The following MAN1A2 variants were observed in gnomAD, a reference collection of about 807,000 sequenced individuals.
MAN1A2 encodes the protein mannosidase alpha class 1A member 2.
MAN1A2 carries 26 observed loss-of-function variants against 75.7 expected under a neutral mutation model. That is an observed-to-expected ratio of 0.34 (90% confidence interval 0.25 to 0.48). The LOEUF (loss-of-function observed/expected upper bound fraction) is 0.48. Among genes scored for constraint, MAN1A2 ranks in the 20% least tolerant of loss-of-function variants. The pLI is 0.99. For missense variants in MAN1A2, 562 were observed against 775.5 expected, an observed-to-expected ratio of 0.72 and a Z score of 3.27; for synonymous variants, 247 against 264.6, an observed-to-expected ratio of 0.93 and a Z score of 0.65.
At position 117,432,282 on chromosome 1, in the gene MAN1A2, G is replaced by T. The variant is rs193071000; in HGVS notation, c.856-9949G>T. On this transcript the variant is annotated intron_variant, in intron 5 of 12. Transcript: ENST00000356554. The stretch of plus-strand genomic sequence containing the variant: ...GCATAATAATGGAATATTATAAGCA[G>T]TTTTTTTGCAAAATTTAATAATGTA... Among the ~76,000 whole-genome samples the T allele has an allele frequency of 7.2e-4, 109 of 151,654 alleles. 1 individual carries two copies. The highest frequency in any genetic ancestry group is 2.6e-3 in the African/African-American group (108 of 41,292).
intron 8 of MAN1A2, among the ~76,000 whole-genome samples, chr1:117,492,458 T>A (rs1650910979): frequency 6.6e-6 from 1 of 152,130 alleles, no homozygotes; most frequent in Non-Finnish European, 1.5e-5. Flanking sequence ...TCAACACAAC[T>A]TTTATAACTA....
chr1:117,460,727 T>C, intron 7 of MAN1A2, 115 bp downstream of exon 7: 1 of 1,231,146 alleles, frequency 8.1e-7, no homozygotes, highest in Non-Finnish European at 1.1e-6. Flanking sequence ...TTATTAGGGC[T>C]GTAGCCTTTA....
intron 12 of MAN1A2, among the ~76,000 whole-genome samples, chr1:117,516,379 A>C (rs901716269): frequency 2.6e-5 from 4 of 152,176 alleles, no homozygotes; most frequent in Admixed American, 1.3e-4. Flanking sequence ...GGAACTAGTC[A>C]TCATGAAGAA....
rs1652841562 is a variant in MAN1A2, at chr1:117,368,419, A to G, written c.236A>G (p.Asp79Gly). 1 of 1,614,108 alleles carries G rather than the reference A, an allele frequency of 6.2e-7. No homozygotes were observed. Among genetic ancestry groups the G allele is most frequent in the East Asian group, 2.2e-5 (1 of 44,878 alleles). Residue 79 changes from aspartate to glycine, a missense_variant, in exon 1 of 13, where the codon GAT becomes GGT. Physicochemically the swap from Asp to Gly is moderately conservative, Grantham distance 94. Coordinates refer to ENST00000356554, the MANE Select transcript of MAN1A2 (RefSeq NM_006699.5). ...GAAGATGTGTTAATTCCACATGTAGATGCCGGTAAAGGGGCTAAAAACCCC... is the reference window on the plus strand; with the variant it reads ...GAAGATGTGTTAATTCCACATGTAGGTGCCGGTAAAGGGGCTAAAAACCCC... ...GLEDVLIPHV[D>G]AGKGAKNPGV...
At chr1:117,459,769 T>C (rs1283836332) in intron 6 of MAN1A2, among the ~76,000 whole-genome samples, 2 of 152,130 alleles carry the variant, frequency 1.3e-5, no homozygotes, top group East Asian at 1.9e-4. Context: ...TAACAAAATA[T>C]TGGAAATAGC....
In MAN1A2 at chr1:117,526,860, CTCTCTCTCTCTCTCTCTCTCTATATA is replaced by C. The variant is rs1016611864; in HGVS notation, c.*3905_*3930del. The C allele has an allele frequency of 2.1e-5, 2 of 93,728 alleles. No homozygotes were observed. The highest frequency in any genetic ancestry group is 8.7e-5 in the African/African-American group (2 of 22,884). The allele number at this position is 93,728 out of a possible 1,614,324, so 5.8% of individuals were successfully genotyped here. A position where few individuals can be genotyped will look rare whatever the true frequency, so the allele number is the denominator to read the frequency against. Reference sequence around the variant, plus strand: ...TCTTTTCCTCTCTCTCTCTCTCTCTCTCTCTCTCTCTCTCTCTCTCTATATATATATATATATATATATATATATGA... The same window carrying C: ...TCTTTTCCTCTCTCTCTCTCTCTCTCTATATATATATATATATATATATGA... On this transcript the variant is annotated 3_prime_UTR_variant, in exon 13 of 13. Transcript: ENST00000356554.
At chr1:117,484,998 C>T (rs545128437) in intron 8 of MAN1A2, among the ~76,000 whole-genome samples, 4 of 152,016 alleles carry the variant, frequency 2.6e-5, no homozygotes, top group South Asian at 4.1e-4. Context: ...AGTGGATCCA[C>T]GCAGTTCAAA....
intron 8 of MAN1A2, among the ~76,000 whole-genome samples, chr1:117,475,889 AT>A (rs1461813994): frequency 6.6e-6 from 1 of 152,124 alleles, no homozygotes; most frequent in Non-Finnish European, 1.5e-5. Context: ...CAGTAATGGG[AT>A]TGCTGGGTCA....
chr1:117,402,397 C>A lies in MAN1A2; in HGVS notation c.514C>A (p.Pro172Thr), dbSNP rs1287237481. ...PNLVGIRGGD[P>T]EDNDIREKRE... is the part of the protein sequence containing the mutation. Reference sequence around the variant, plus strand: ...CCTTGTAGGAATACGTGGTGGAGACCCAGAAGATAATGACATAAGAGAGAA... The same window carrying A: ...CCTTGTAGGAATACGTGGTGGAGACACAGAAGATAATGACATAAGAGAGAA... The change falls in exon 2 of 13, where the codon CCA (proline) becomes ACA (threonine). Residue 172 changes from proline to threonine, a missense_variant. Physicochemically the swap from Pro to Thr is conservative, Grantham distance 38. This residue lies in a region of MAN1A2 where 434 missense variants were observed against 645.7 expected (regional missense o/e 0.67). Coordinates refer to ENST00000356554, the MANE Select transcript of MAN1A2 (RefSeq NM_006699.5). 1 of 1,609,498 alleles carries A rather than the reference C, an allele frequency of 6.2e-7. No individual in the cohort carries two copies. Among genetic ancestry groups the A allele is most frequent in the Admixed American group, 1.7e-5 (1 of 59,302 alleles).
chr1:117,497,714 GA>G (rs1651073604), intron 10 of MAN1A2, among the ~76,000 whole-genome samples: 1 of 151,642 alleles, frequency 6.6e-6, no homozygotes, highest in Admixed American at 6.6e-5. Flanking sequence ...TTTTAAAAAA[GA>G]CAAAAGGTTT....
intron 8 of MAN1A2, among the ~76,000 whole-genome samples, chr1:117,485,819 G>C (rs61092003): frequency 0.13 from 19,838 of 151,928 alleles, 1,477 homozygotes; most frequent in Admixed American, 0.22. Flanking sequence ...CCTTCATTGT[G>C]AAATTTAACC....
chr1:117,484,116 C>A (rs966532476), intron 8 of MAN1A2, among the ~76,000 whole-genome samples: 6 of 151,714 alleles, frequency 4.0e-5, no homozygotes, highest in African/African-American at 1.5e-4. Context: ...AATAGCCTAC[C>A]GTTGACCCAG....
chr1:117,486,762 G>A (rs1650716522), intron 8 of MAN1A2, among the ~76,000 whole-genome samples: 2 of 151,954 alleles, frequency 1.3e-5, no homozygotes, highest in South Asian at 2.1e-4. Context: ...GAGCGTTTCA[G>A]AGGAGATAAC....
chr1:117,381,430 G>T (rs894436627), intron 1 of MAN1A2, among the ~76,000 whole-genome samples: 1 of 152,020 alleles, frequency 6.6e-6, no homozygotes, highest in African/African-American at 2.4e-5. Flanking sequence ...GTGAGAACAT[G>T]CGGTGTTTGG....
chr1:117,477,075 G>C (rs1165762860), intron 8 of MAN1A2, among the ~76,000 whole-genome samples: 1 of 151,826 alleles, frequency 6.6e-6, no homozygotes, highest in East Asian at 2.0e-4. Context: ...ACCCTCCCAA[G>C]ACTAAACTAG....
intron 1 of MAN1A2, among the ~76,000 whole-genome samples, chr1:117,384,860 CT>C (rs1167028101): frequency 6.6e-6 from 1 of 152,100 alleles, no homozygotes; most frequent in Non-Finnish European, 1.5e-5. Context: ...TGCTTTAGTG[CT>C]TCCTGTTGGT....
chr1:117,388,972 G>A (rs1557930134), intron 1 of MAN1A2, among the ~76,000 whole-genome samples: 1 of 152,066 alleles, frequency 6.6e-6, no homozygotes, highest in Non-Finnish European at 1.5e-5. Context: ...TATCAGTGCT[G>A]TTTCTGACCT....
intron 1 of MAN1A2, among the ~76,000 whole-genome samples, chr1:117,382,746 G>A (rs1218709034): frequency 6.6e-6 from 1 of 152,012 alleles, no homozygotes; most frequent in Non-Finnish European, 1.5e-5. Flanking sequence ...GATGGGGATG[G>A]CATTGAATCT....
intron 8 of MAN1A2, among the ~76,000 whole-genome samples, chr1:117,491,821 T>C (rs1222095382): frequency 1.3e-5 from 2 of 152,036 alleles, no homozygotes; most frequent in African/African-American, 4.8e-5. Context: ...CCAGTCCTCA[T>C]GGGTGATTTT....
Sources: allele counts gnomAD v4.1 joint callset (sites outside exome capture counted in the v4.1 genomes callset), GRCh38; gene constraint gnomAD v4.1.1; regional missense constraint gnomAD v4.1.1; transcripts MANE v1.5; gene names NCBI Gene and HGNC (gene_info 2026-07-23, HGNC 2026-07-21).